Variants in GATAD2A observed in about 807,000 individuals in gnomAD.
GATAD2A encodes the protein GATA zinc finger domain containing 2A, also known as transcriptional repressor p66-alpha.
Under a neutral mutation model 68.5 loss-of-function variants are expected in GATAD2A, and 12 were observed. The observed-to-expected ratio is 0.18, with a 90% CI of 0.11 to 0.28. The LOEUF is 0.28. Among genes scored for constraint, GATAD2A ranks in the 10% least tolerant of loss-of-function variants. GATAD2A has a pLI of 1.00. For synonymous variants in GATAD2A, 410 were observed against 375.3 expected (o/e 1.09, Z -1.07); for missense variants, 755 against 868.5 (o/e 0.87, Z 1.64).
intron 1 of GATAD2A, among the ~76,000 whole-genome samples, chr19:19,442,187 C>T (rs2055174923): frequency 6.6e-6 from 1 of 152,108 alleles, no homozygotes; most frequent in African/African-American, 2.4e-5. Flanking sequence ...AAGTAAAACG[C>T]TTAATTCTCA....
intron 1 of GATAD2A, among the ~76,000 whole-genome samples, chr19:19,442,785 A>C (rs1219167466): frequency 1.3e-5 from 2 of 152,046 alleles, no homozygotes; most frequent in East Asian, 1.9e-4. Context: ...AAAAAAAAAA[A>C]AAACCCACAG....
In GATAD2A at chr19:19,494,328, C is replaced by G. The variant is rs748592461; in HGVS notation, c.569C>G (p.Pro190Arg). The G allele has an allele frequency of 3.2e-5, 51 of 1,613,084 alleles. No individual in the cohort carries two copies. The highest frequency in any genetic ancestry group is 4.2e-5 in the Non-Finnish European group (50 of 1,179,238). ...TCTGTTGGGAGCACCGTGACCACCC[C>G]TCCCCCGCTTGTTCGGGGCACTCAG... ...TGSVGSTVTT[P>R]PPLVRGTQNI... Residue 190 changes from proline (P) to arginine (R), a missense_variant, in exon 5 of 12, where the codon CCT becomes CGT. Pro to Arg is a moderately radical substitution (Grantham distance 103). Coordinates refer to ENST00000683918, the MANE Select transcript of GATAD2A (RefSeq NM_001384528.1).
chr19:19,450,313 T>C (rs2056235005), intron 1 of GATAD2A, among the ~76,000 whole-genome samples: 1 of 152,192 alleles, frequency 6.6e-6, no homozygotes, highest in African/African-American at 2.4e-5. Context: ...TGTGCCCTGT[T>C]AGGAGGCGGT....
chr19:19,501,249 A>G lies in GATAD2A; in HGVS notation c.1336A>G (p.Asn446Asp), dbSNP rs1040471959. The G allele has an allele frequency of 6.2e-7, 1 of 1,613,392 alleles. No homozygotes were observed. The highest frequency in any genetic ancestry group is 8.5e-7 in the Non-Finnish European group (1 of 1,180,004). The change falls in exon 9 of 12, where the codon AAC becomes GAC. Residue 446 changes from asparagine to aspartate, a missense_variant. Asn to Asp is a conservative substitution (Grantham distance 23, BLOSUM62 1). Transcript: ENST00000683918. ...CATGTGTGAGAACTGCATGACAACC[A>G]ACCAGAAGAAGGCGCTCAAGGTGGA... ...AIMCENCMTT[N>D]QKKALKVEHT...
intron 2 of GATAD2A, among the ~76,000 whole-genome samples, chr19:19,468,132 A>T (rs189718223): frequency 5.2e-5 from 8 of 152,392 alleles, no homozygotes; most frequent in African/African-American, 1.9e-4. Context: ...GTAACTGCTG[A>T]ATTTCAGGTG....
At position 19,508,756 on chromosome 19, in the gene GATAD2A, T is replaced by A. The variant is rs1235381523; in HGVS notation, c.*3282T>A. ...GGAGGCTCTTTGGGTGTGGAGGCTG[T>A]CACTTGTATTTATTGTGACTCTAAA... On this transcript the variant is annotated 3_prime_UTR_variant, in exon 12 of 12. Coordinates refer to ENST00000683918, the MANE Select transcript of GATAD2A (RefSeq NM_001384528.1). 1 of 152,210 alleles carries A rather than the reference T, an allele frequency of 6.6e-6. No individual in the cohort carries two copies. Among genetic ancestry groups the A allele is most frequent in the Non-Finnish European group, 1.5e-5 (1 of 68,040 alleles). The allele number at this position is 152,210 out of a possible 1,614,324, so 9.4% of individuals were successfully genotyped here.
chr19:19,406,135 G>C (rs1468679291), intron 1 of GATAD2A, 116 bp downstream of exon 1: 1 of 151,984 alleles, frequency 6.6e-6, no homozygotes, highest in Non-Finnish European at 1.5e-5. Context: ...ACCCCTGCAT[G>C]AGCGTGGAAA....
At chr19:19,444,373 C>A (rs940923470) in intron 1 of GATAD2A, among the ~76,000 whole-genome samples, 1 of 152,108 alleles carries the variant, frequency 6.6e-6, no homozygotes, top group African/African-American at 2.4e-5. Context: ...TTCAACCCTG[C>A]CTCTCTCCGG....
At chr19:19,459,194 C>G (rs536234288) in intron 1 of GATAD2A, among the ~76,000 whole-genome samples, 40 of 152,248 alleles carry the variant, frequency 2.6e-4, no homozygotes, top group Non-Finnish European at 5.7e-4. Flanking sequence ...TCTTTGAATA[C>G]AGGACTGATT....
intron 1 of GATAD2A, among the ~76,000 whole-genome samples, chr19:19,459,477 GA>G (rs1369373108): frequency 6.6e-6 from 1 of 151,898 alleles, no homozygotes; most frequent in Non-Finnish European, 1.5e-5. Flanking sequence ...GTAGGGATGG[GA>G]AAACTGAGGC....
chr19:19,424,719 G>C (rs1283678408), intron 1 of GATAD2A, among the ~76,000 whole-genome samples: 1 of 152,118 alleles, frequency 6.6e-6, no homozygotes, highest in Non-Finnish European at 1.5e-5. Context: ...TTGGGGTCTG[G>C]GGCCTCAGAG....
chr19:19,464,460 C>T (rs567539755), intron 1 of GATAD2A, among the ~76,000 whole-genome samples: 2 of 152,238 alleles, frequency 1.3e-5, no homozygotes, highest in East Asian at 3.9e-4. Context: ...GAATGCCAGC[C>T]GCCTCCCTGC....
At chr19:19,481,163 T>A (rs2059029013) in intron 2 of GATAD2A, among the ~76,000 whole-genome samples, 1 of 151,934 alleles carries the variant, frequency 6.6e-6, no homozygotes. Flanking sequence ...GGGACCAGCA[T>A]CAGGAGGGGT....
At chr19:19,388,336 C>T (rs1201411430) in intron 1 of GATAD2A, among the ~76,000 whole-genome samples, 4 of 152,024 alleles carry the variant, frequency 2.6e-5, no homozygotes, top group Non-Finnish European at 5.9e-5. Context: ...GGATTACAGG[C>T]GTGAACCACC....
At chr19:19,480,746 T>A (rs771996103) in intron 2 of GATAD2A, among the ~76,000 whole-genome samples, 2 of 152,220 alleles carry the variant, frequency 1.3e-5, no homozygotes, top group African/African-American at 2.4e-5. Flanking sequence ...CCCAGCCCCC[T>A]CAGTGGTCCT....
chr19:19,478,242 C>T (rs1222270462), intron 2 of GATAD2A, among the ~76,000 whole-genome samples: 2 of 152,220 alleles, frequency 1.3e-5, no homozygotes, highest in Non-Finnish European at 2.9e-5. Context: ...CCTTTTCCAT[C>T]TGTGGGCCCC....
chr19:19,386,486 T>C (rs1463657878), intron 1 of GATAD2A, among the ~76,000 whole-genome samples: 1 of 149,806 alleles, frequency 6.7e-6, no homozygotes, highest in Non-Finnish European at 1.5e-5. Flanking sequence ...CCCCCACCTT[T>C]CTAGGGGACT....
At chr19:19,434,584 G>T (rs1195306447) in intron 1 of GATAD2A, among the ~76,000 whole-genome samples, 1 of 152,144 alleles carries the variant, frequency 6.6e-6, no homozygotes. Context: ...AGTCCTGTGG[G>T]TGCAAAGAAT....
intron 1 of GATAD2A, among the ~76,000 whole-genome samples, chr19:19,446,996 C>T (rs1450446296): frequency 2.6e-5 from 4 of 152,228 alleles, no homozygotes; most frequent in Non-Finnish European, 2.9e-5. Flanking sequence ...TTAACAAATG[C>T]GTATACATTG....
Sources: allele counts gnomAD v4.1 joint callset (sites outside exome capture counted in the v4.1 genomes callset), GRCh38; gene constraint gnomAD v4.1.1; transcripts MANE v1.5; gene names NCBI Gene and HGNC (gene_info 2026-07-23, HGNC 2026-07-21).